Variants in MED24 observed in about 807,000 individuals in gnomAD.
MED24 encodes mediator complex subunit 24.
A neutral mutation model predicts 118.8 loss-of-function variants in MED24; 74 were observed. The observed-to-expected ratio is 0.62, with a 90% CI of 0.52 to 0.76. The LOEUF is 0.76. MED24 is among the 30% of genes least tolerant of loss of function. MED24 has a pLI of 0.00. For synonymous variants in MED24, 521 were observed against 523.9 expected, an observed-to-expected ratio of 0.99 and a Z score of 0.08; for missense variants, 1,041 against 1,278.9, an observed-to-expected ratio of 0.81 and a Z score of 2.84.
Position 40,020,262 on chromosome 17 carries a change from G to A in MED24, c.2704+11C>T, listed in dbSNP as rs1981804646. The A allele has an allele frequency of 6.6e-7, 1 of 1,517,296 alleles. No homozygotes were observed. The highest frequency in any genetic ancestry group is 8.8e-7 in the Non-Finnish European group (1 of 1,131,448). 94.0% of individuals were successfully genotyped at this position (1,517,296 alleles called of 1,614,324 possible). A position where few individuals can be genotyped will look rare whatever the true frequency, so the allele number is the denominator to read the frequency against. ...TAGCCCCAGGTTCGGCAGCAGGGGT[G>A]GGGAACTCACCCAGGACTCGGTTCA... On this transcript the variant is annotated intron_variant, in intron 24 of 25. Transcript: ENST00000394128.
At chr17:40,031,998 G>C in intron 10 of MED24, 45 bp downstream of exon 10, 1 of 1,592,706 alleles carries the variant, frequency 6.3e-7, no homozygotes, top group Non-Finnish European at 8.6e-7. Flanking sequence ...CCTCCCCTTT[G>C]CCCTTATTTC....
chr17:40,019,542 A>G lies in MED24; in HGVS notation c.2957T>C (p.Ile986Thr). Residue 986 changes from isoleucine (I) to threonine (T), a missense_variant, in exon 26 of 26, where the codon ATT becomes ACT. Transcript: ENST00000394128. ...PLGRQVAAKA[I>T]AAL ...ATGCCAAGCCCCTCAGAGTGCAGCAATGGCTTTAGCAGCCACCTGGCGGCC... is the reference window on the plus strand; with the variant it reads ...ATGCCAAGCCCCTCAGAGTGCAGCAGTGGCTTTAGCAGCCACCTGGCGGCC... 2 of 1,612,162 alleles carry G rather than the reference A, an allele frequency of 1.2e-6. No individual in the cohort carries two copies. The highest frequency in any genetic ancestry group is 1.7e-6 in the Non-Finnish European group (2 of 1,179,618).
chr17:40,044,924 G>A (rs1984999798), intron 3 of MED24, among the ~76,000 whole-genome samples: 1 of 151,784 alleles, frequency 6.6e-6, no homozygotes, highest in Non-Finnish European at 1.5e-5. Flanking sequence ...AAGGTATGGG[G>A]AAATACTGTC....
At chr17:40,045,217 G>C (rs933535872) in intron 3 of MED24, among the ~76,000 whole-genome samples, 1 of 152,188 alleles carries the variant, frequency 6.6e-6, no homozygotes. Context: ...GGGAGGCCGA[G>C]GCGGGCAGAT....
chr17:40,052,305 G>A (rs1985944123), intron 3 of MED24, among the ~76,000 whole-genome samples: 1 of 152,070 alleles, frequency 6.6e-6, no homozygotes, highest in Non-Finnish European at 1.5e-5. Flanking sequence ...AAAAAGGTAG[G>A]TAGATGACCT....
At chr17:40,023,792 C>T (rs915494139) in intron 19 of MED24, 1 of 179,520 alleles carries the variant, frequency 5.6e-6, no homozygotes, top group Non-Finnish European at 1.2e-5. Context: ...GCCCTGGCCT[C>T]CTCCCAAAGT....
intron 5 of MED24, 128 bp downstream of exon 5, chr17:40,035,594 G>T: frequency 9.8e-7 from 1 of 1,025,130 alleles, no homozygotes; most frequent in Non-Finnish European, 1.4e-6. Context: ...GGTAAGTGTA[G>T]ATGGGCAGGT....
chr17:40,039,833 G>A (rs2144943986), intron 3 of MED24, among the ~76,000 whole-genome samples: 1 of 150,016 alleles, frequency 6.7e-6, no homozygotes, highest in Non-Finnish European at 1.5e-5. Flanking sequence ...GCCCAGGCTG[G>A]AGTGCAGCGG....
At position 40,023,224 on chromosome 17, in the gene MED24, C is replaced by T. The variant is rs774148753; in HGVS notation, c.2157G>A (p.Leu719=). 1.2e-6 allele frequency: 2 copies of T among 1,614,174 alleles called. No homozygotes were observed. The highest frequency in any genetic ancestry group is 1.7e-6 in the Non-Finnish European group (2 of 1,180,002). The change falls in exon 20 of 26, where the codon CTG becomes CTA. Residue 719 remains leucine, a synonymous_variant. Transcript: ENST00000394128. ...AGCGGCTGTCCACCCAGCCCTTCTC[C>T]AGCACCTTGGCAAAAATGTCCGTCA... ...EVLTDIFAKV[L]EKGWVDSRSI...
intron 19 of MED24, 66 bp downstream of exon 19, chr17:40,026,090 T>A: frequency 6.6e-7 from 1 of 1,514,304 alleles, no homozygotes; most frequent in South Asian, 1.2e-5. Flanking sequence ...GGGGTGCTTG[T>A]TATTGGATGT....
intron 14 of MED24, 126 bp downstream of exon 14, chr17:40,028,700 G>A: frequency 2.3e-6 from 3 of 1,318,960 alleles, no homozygotes; most frequent in Admixed American, 4.5e-5. Flanking sequence ...CAGCCAGGAT[G>A]CTCTGCCTAG....
chr17:40,029,925 T>C, intron 12 of MED24, 66 bp from the exon 13 acceptor site: 1 of 1,447,194 alleles, frequency 6.9e-7, no homozygotes, highest in African/African-American at 1.4e-5. Context: ...ACACGTTCCC[T>C]CGTTCAAGCC....
At chr17:40,038,594 C>A (rs1256850658) in intron 3 of MED24, among the ~76,000 whole-genome samples, 1 of 151,894 alleles carries the variant, frequency 6.6e-6, no homozygotes, top group Non-Finnish European at 1.5e-5. Flanking sequence ...GCCTGTAATC[C>A]CAGCTACTCA....
In MED24 at chr17:40,053,527, T is replaced by G; in HGVS notation, c.72A>C (p.Ala24=). Residue 24 remains alanine, a synonymous_variant, in exon 2 of 26, where the codon GCA becomes GCC. Transcript: ENST00000394128. The part of the protein sequence containing the change: ...WKERWSDYQW[A]INMKKFFPKG... ...TAGGAAAGAATTTCTTCATGTTGAT[T>G]GCCCATTGGTAGTCACTCCAGCGCT... 6.2e-7 allele frequency: 1 copy of G among 1,614,226 alleles called. No homozygotes were observed. The highest frequency in any genetic ancestry group is 8.5e-7 in the Non-Finnish European group (1 of 1,180,044).
chr17:40,019,652 C>A lies in MED24; in HGVS notation c.2854-7G>T. 1 of 1,588,146 alleles carries A rather than the reference C, an allele frequency of 6.3e-7. No individual in the cohort carries two copies. Among genetic ancestry groups the A allele is most frequent in the Non-Finnish European group, 8.6e-7 (1 of 1,163,468 alleles). The stretch of plus-strand genomic sequence containing the variant: ...CCTTCACCAGTTCCGACACCTGCCA[C>A]GGACAGACAGATGCTGCTTGCGGGA... On this transcript the variant is annotated splice_region_variant and splice_polypyrimidine_tract_variant and intron_variant, in intron 25 of 25. Coordinates refer to ENST00000394128, the MANE Select transcript of MED24 (RefSeq NM_014815.4).
intron 3 of MED24, among the ~76,000 whole-genome samples, chr17:40,051,219 G>T (rs1985810016): frequency 6.6e-6 from 1 of 151,930 alleles, no homozygotes; most frequent in Non-Finnish European, 1.5e-5. Flanking sequence ...GCTGAGGCAG[G>T]ACAATTGCTT....
chr17:40,027,105 T>G, intron 16 of MED24, 71 bp from the exon 17 acceptor site: 1 of 1,547,264 alleles, frequency 6.5e-7, no homozygotes, highest in Non-Finnish European at 8.8e-7. Context: ...GACCTGGGGC[T>G]GCACTGTTTC....
At chr17:40,029,916 C>A in intron 12 of MED24, 57 bp from the exon 13 acceptor site, 1 of 1,506,472 alleles carries the variant, frequency 6.6e-7, no homozygotes, top group South Asian at 1.1e-5. Context: ...AAATTCTTGA[C>A]ACGTTCCCTC....
At chr17:40,047,943 T>A (rs568334207) in intron 3 of MED24, among the ~76,000 whole-genome samples, 1 of 152,320 alleles carries the variant, frequency 6.6e-6, no homozygotes, top group Admixed American at 6.5e-5. Flanking sequence ...TTGGTCAGGC[T>A]GGTCTTGAAC....
Sources: allele counts gnomAD v4.1 joint callset (sites outside exome capture counted in the v4.1 genomes callset), GRCh38; gene constraint gnomAD v4.1.1; transcripts MANE v1.5; gene names NCBI Gene and HGNC (gene_info 2026-07-23, HGNC 2026-07-21).